Variants in PKHD1 observed in about 807,000 individuals in gnomAD.
PKHD1 encodes the protein PKHD1 ciliary IPT domain containing fibrocystin/polyductin, also known as fibrocystin.
A neutral mutation model predicts 412.0 loss-of-function variants in PKHD1; 291 were observed. The observed-to-expected ratio is 0.71, with a 90% confidence interval of 0.64 to 0.78. The LOEUF is 0.78. Among genes scored for constraint, PKHD1 ranks in the 30% least tolerant of loss-of-function variants. The pLI is 0.00. For synonymous variants in PKHD1, 1,777 were observed against 1,821.5 expected, an observed-to-expected ratio of 0.98 and a Z score of 0.62; for missense variants, 4,825 against 4,950.7, an observed-to-expected ratio of 0.97 and a Z score of 0.76.
intron 43 of PKHD1, among the ~76,000 whole-genome samples, chr6:51,899,032 C>A (rs991655928): frequency 6.6e-6 from 1 of 152,112 alleles, no homozygotes; most frequent in Non-Finnish European, 1.5e-5. Flanking sequence ...CAATAGCTTA[C>A]CAACCAAAAA....
intron 60 of PKHD1, among the ~76,000 whole-genome samples, chr6:51,713,267 T>C (rs1253640866): frequency 2.0e-5 from 3 of 152,254 alleles, no homozygotes; most frequent in Admixed American, 6.5e-5. Flanking sequence ...GACATAACTT[T>C]TTTGAATACT....
intron 48 of PKHD1, among the ~76,000 whole-genome samples, chr6:51,859,306 C>A (rs1773805366): frequency 6.6e-6 from 1 of 151,948 alleles, no homozygotes; most frequent in Admixed American, 6.6e-5. Flanking sequence ...GCGGGTGGAT[C>A]ATGAGATCAG....
Position 51,858,023 on chromosome 6 carries a change from C to T in PKHD1, c.7734-1953G>A, listed in dbSNP as rs561920722. On this transcript the variant is annotated intron_variant, in intron 48 of 66. Coordinates refer to ENST00000371117, the MANE Select transcript of PKHD1 (RefSeq NM_138694.4). ...TACTTAGGTTTGTTGTCCACCCTTCCCCACCCACCCCTTCAGGATTTAAAT... is the reference window on the plus strand; with the variant it reads ...TACTTAGGTTTGTTGTCCACCCTTCTCCACCCACCCCTTCAGGATTTAAAT... 2.0e-5 allele frequency among the ~76,000 whole-genome samples: 3 copies of T among 152,144 alleles called. No homozygotes were observed. In the South Asian group the frequency reaches 6.2e-4, roughly 32 times the overall value.
At chr6:51,889,868 A>C (rs1387512458) in intron 43 of PKHD1, among the ~76,000 whole-genome samples, 1 of 152,228 alleles carries the variant, frequency 6.6e-6, no homozygotes, top group Non-Finnish European at 1.5e-5. Context: ...TTGGGAACCC[A>C]CTGCAAATGG....
At chr6:51,998,025 G>A (rs1797901422) in intron 35 of PKHD1, among the ~76,000 whole-genome samples, 2 of 152,292 alleles carry the variant, frequency 1.3e-5, no homozygotes, top group African/African-American at 4.8e-5. Context: ...TGTTAAAAAT[G>A]GTGTCATCAG....
chr6:52,011,894 C>T (rs577531798), intron 34 of PKHD1, among the ~76,000 whole-genome samples: 2 of 152,296 alleles, frequency 1.3e-5, no homozygotes, highest in South Asian at 2.1e-4. Flanking sequence ...ACTGGGACTC[C>T]GGTCTGCCTT....
At chr6:51,774,893 T>C (rs1398700276) in intron 54 of PKHD1, among the ~76,000 whole-genome samples, 1 of 151,798 alleles carries the variant, frequency 6.6e-6, no homozygotes, top group Non-Finnish European at 1.5e-5. Context: ...TTTAAAAATG[T>C]TCATATTTTT....
Position 51,631,848 on chromosome 6 carries a change from AAAAC to A in PKHD1, c.11665+713_11665+716del, listed in dbSNP as rs543269298. On this transcript the variant is annotated intron_variant, in intron 65 of 66. Coordinates refer to ENST00000371117, the MANE Select transcript of PKHD1 (RefSeq NM_138694.4). ...GGAACCTACTTAATTCCTATGCTAA[AAAAC>A]AAACAAACAAACAAACAAACTAAGC... 8.4e-3 allele frequency among the ~76,000 whole-genome samples: 1,279 copies of A among 152,190 alleles called. 10 individuals are homozygous for A. The highest frequency in any genetic ancestry group is 0.013 in the Non-Finnish European group (906 of 68,012).
intron 60 of PKHD1, among the ~76,000 whole-genome samples, chr6:51,710,136 G>A (rs1346529424): frequency 1.3e-5 from 2 of 152,106 alleles, no homozygotes; most frequent in African/African-American, 2.4e-5. Flanking sequence ...CTTGACCCCG[G>A]GAGGCAGAGG....
chr6:51,863,158 C>A (rs1774471245), intron 48 of PKHD1, among the ~76,000 whole-genome samples: 1 of 152,104 alleles, frequency 6.6e-6, no homozygotes, highest in Non-Finnish European at 1.5e-5. Context: ...AAGAAATATA[C>A]CTAGGAAGTA....
At chr6:52,043,582 T>G in intron 26 of PKHD1, 43 bp downstream of exon 26, 2 of 1,371,932 alleles carry the variant, frequency 1.5e-6, no homozygotes, top group Non-Finnish European at 2.1e-6. Flanking sequence ...TCACTGCAAG[T>G]CTCCGGCTTA....
At chr6:51,850,527 G>A (rs561728897) in intron 49 of PKHD1, among the ~76,000 whole-genome samples, 109 of 152,216 alleles carry the variant, frequency 7.2e-4, no homozygotes, top group African/African-American at 2.1e-3. Flanking sequence ...ATCCATGAGC[G>A]TGGAATGTCT....
rs536987151 is a variant in PKHD1, at chr6:51,789,181, AATT to A, written c.8440+2052_8440+2054del. Reference sequence around the variant, plus strand: ...ATAACTATGGGAAATGGGGTGTACAAATTTGTAAAATTTTTCTGAAAAGCAATT... The same window carrying A: ...ATAACTATGGGAAATGGGGTGTACAATGTAAAATTTTTCTGAAAAGCAATT... On this transcript the variant is annotated intron_variant, in intron 53 of 66. Transcript: ENST00000371117. Among the ~76,000 whole-genome samples the A allele has an allele frequency of 3.3e-5, 5 of 152,334 alleles. No homozygotes were observed. The South Asian group carries it at 1.0e-3, about 32-fold the overall frequency.
intron 11 of PKHD1, among the ~76,000 whole-genome samples, chr6:52,068,052 T>C (rs1001590295): frequency 6.6e-6 from 1 of 152,032 alleles, no homozygotes; most frequent in Non-Finnish European, 1.5e-5. Flanking sequence ...AAATTGGTGA[T>C]TGAACAGATA....
chr6:51,751,890 A>G (rs1426728636), intron 57 of PKHD1, among the ~76,000 whole-genome samples: 1 of 152,222 alleles, frequency 6.6e-6, no homozygotes, highest in African/African-American at 2.4e-5. Flanking sequence ...AAACCAGCAC[A>G]GTTTCTGGTC....
At chr6:52,016,356 C>T (rs1281583637) in intron 34 of PKHD1, among the ~76,000 whole-genome samples, 3 of 152,062 alleles carry the variant, frequency 2.0e-5, no homozygotes, top group Admixed American at 2.0e-4. Context: ...AGAAAAGAGG[C>T]GGGGCACGGT....
intron 60 of PKHD1, chr6:51,720,842 G>C (rs887398416): frequency 3.9e-6 from 1 of 254,722 alleles, no homozygotes. Context: ...AATGAGGGCA[G>C]AGATTATGTC....
At chr6:51,777,646 T>C (rs970990840) in intron 53 of PKHD1, among the ~76,000 whole-genome samples, 1 of 149,788 alleles carries the variant, frequency 6.7e-6, no homozygotes, top group Non-Finnish European at 1.5e-5. Flanking sequence ...TGTGATTTCA[T>C]TTATTTCACG....
Position 52,024,979 on chromosome 6 carries a change from G to T in PKHD1, c.4831C>A (p.Gln1611Lys), listed in dbSNP as rs781299598. The change falls in exon 32 of 67, where the codon CAG (glutamine) becomes AAG (lysine). Residue 1611 changes from glutamine to lysine, a missense_variant. By Grantham distance (53) the Gln-to-Lys change is moderately conservative. Transcript: ENST00000371117. ...QNTTSVYIDQ[Q>K]TCLTVNIGAE... ...CCGATGTTCACCGTCAGGCAGGTCT[G>T]CTGGTCAATATAGACTGACGTGGTG... 2 of 1,614,102 alleles carry T rather than the reference G, an allele frequency of 1.2e-6. No individual in the cohort carries two copies. The highest frequency in any genetic ancestry group is 8.5e-7 in the Non-Finnish European group (1 of 1,180,042).
Sources: gnomAD v4.1 joint callset for allele counts (sites outside exome capture counted in the v4.1 genomes callset) on GRCh38, gnomAD v4.1.1 for gene constraint, MANE v1.5 for transcripts, NCBI Gene and HGNC (gene_info 2026-07-23, HGNC 2026-07-21) for gene names.